The following TRIM47 variants were observed in gnomAD, a reference collection of about 807,000 sequenced individuals.
The protein encoded by TRIM47 is E3 ubiquitin-protein ligase TRIM47.
TRIM47 carries 46 observed loss-of-function variants against 54.4 expected under a neutral mutation model. The ratio of observed to expected loss-of-function variants is 0.84; its 90% CI spans 0.67 to 1.08. The LOEUF (loss-of-function observed/expected upper bound fraction) is 1.08. Among genes scored for constraint, TRIM47 ranks in the 50% least tolerant of loss-of-function variants. TRIM47 has a pLI of 0.00. For missense variants in TRIM47, 825 were observed against 910.1 expected (o/e 0.91, Z 1.20); for synonymous variants, 392 against 410.2 (o/e 0.96, Z 0.54).
At chr17:75,877,751 C>A in intron 1 of TRIM47, 123 bp downstream of exon 1, 1 of 1,245,708 alleles carries the variant, frequency 8.0e-7, no homozygotes, top group Admixed American at 4.2e-5. Flanking sequence ...CCGCAAAGAT[C>A]CTCAGGTTAG....
At position 75,874,641 on chromosome 17, in the gene TRIM47, C is replaced by T. The variant is rs763401208; in HGVS notation, c.1759G>A (p.Ala587Thr). 6.9e-6 allele frequency: 11 copies of T among 1,589,082 alleles called. No individual in the cohort carries two copies. The highest frequency in any genetic ancestry group is 9.4e-6 in the Non-Finnish European group (11 of 1,166,194). ...ASRPRRGGIP[A>T]SPIDPFQSRL... ...CTCTGGAAGGGGTCAATGGGGGAGG[C>T]CGGGATGCCACCCCGGCGGGGCCGG... Residue 587 changes from alanine to threonine, a missense_variant, in exon 6 of 6, where the codon GCC becomes ACC. Ala to Thr is a moderately conservative substitution (Grantham distance 58). Transcript: ENST00000254816. This position sits in a 1 kb window ranked among gnomAD's most constrained non-coding sequence, Gnocchi z 6.2.
Position 75,878,381 on chromosome 17 carries a change from C to A in TRIM47, c.168G>T (p.Leu56=). The A allele has an allele frequency of 7.1e-7, 1 of 1,406,144 alleles. No individual in the cohort carries two copies. The highest frequency in any genetic ancestry group is 1.4e-5 in the South Asian group (1 of 69,078). The allele number at this position is 1,406,144 out of a possible 1,614,324, so 87.1% of individuals were successfully genotyped here. Residue 56 remains leucine, a synonymous_variant, in exon 1 of 6, where the codon CTG becomes CTT. Coordinates refer to ENST00000254816, the MANE Select transcript of TRIM47 (RefSeq NM_033452.3). The part of the protein sequence containing the change: ...GGPGGAARCP[L]CQEPFPDGLQ... Reference sequence around the variant, plus strand: ...GGCCGTCGGGGAAGGGCTCCTGGCACAGCGGGCAGCGGGCCGCGCCTCCGG... The same window carrying A: ...GGCCGTCGGGGAAGGGCTCCTGGCAAAGCGGGCAGCGGGCCGCGCCTCCGG...
At position 75,875,566 on chromosome 17, in the gene TRIM47, A is replaced by G; in HGVS notation, c.1202-92T>C. ...CCCTACCCCCTTCACTTCCTCCCAG[A>G]GTCCAGAGCCACCAGGGAGCAAGCA... On this transcript the variant is annotated intron_variant, in intron 4 of 5. Transcript: ENST00000254816. This position sits in a 1 kb window ranked among gnomAD's most constrained non-coding sequence, Gnocchi z 6.1. 8.4e-7 allele frequency: 1 copy of G among 1,184,498 alleles called. No homozygotes were observed. Among genetic ancestry groups the G allele is most frequent in the South Asian group, 1.3e-5 (1 of 79,778 alleles). The allele number at this position is 1,184,498 out of a possible 1,614,324, so 73.4% of individuals were successfully genotyped here.
chr17:75,875,188 C>T lies in TRIM47; in HGVS notation c.1277-65G>A. The T allele has an allele frequency of 6.6e-7, 1 of 1,522,576 alleles. No homozygotes were observed. The highest frequency in any genetic ancestry group is 1.3e-5 in the South Asian group (1 of 77,922). 94.3% of individuals were successfully genotyped at this position (1,522,576 alleles called of 1,614,324 possible). On this transcript the variant is annotated intron_variant, in intron 5 of 5. Transcript: ENST00000254816. This position sits in a 1 kb window ranked among gnomAD's most constrained non-coding sequence, Gnocchi z 6.1. The stretch of plus-strand genomic sequence containing the variant: ...CAGGCTCAGAGGGCACGGCCCCTCC[C>T]CAAGTACCCACCCCCCCAAAACACA...
chr17:75,878,238 G>A lies in TRIM47; in HGVS notation c.311C>T (p.Ala104Val). The part of the protein sequence containing the change: ...ALAPEPSAPS[A>V]LPSVPEPSAP... ...CGACGGCTCCGGGACACTGGGCAGC[G>A]CGCTGGGTGCCGAGGGCTCCGGGGC... The change falls in exon 1 of 6, where the codon GCG becomes GTG. Residue 104 changes from alanine to valine, a missense_variant. Transcript: ENST00000254816. The A allele has an allele frequency of 9.7e-6, 12 of 1,234,282 alleles. No individual in the cohort carries two copies. Among genetic ancestry groups the A allele is most frequent in the Non-Finnish European group, 1.2e-5 (12 of 988,906 alleles). 76.5% of individuals were successfully genotyped at this position (1,234,282 alleles called of 1,614,324 possible). A position where few individuals can be genotyped will look rare whatever the true frequency, so the allele number is the denominator to read the frequency against.
chr17:75,876,334 C>G lies in TRIM47; in HGVS notation c.930G>C (p.Gln310His). 6.2e-7 allele frequency: 1 copy of G among 1,611,494 alleles called. No homozygotes were observed. Among genetic ancestry groups the G allele is most frequent in the Non-Finnish European group, 8.5e-7 (1 of 1,179,962 alleles). The change falls in exon 3 of 6, where the codon CAG becomes CAC. Residue 310 changes from glutamine to histidine, a missense_variant. Physicochemically the swap from Gln to His is conservative, Grantham distance 24 (BLOSUM62 0). Transcript: ENST00000254816. ...SQGDLRRQEE[Q>H]RSRLSRARQN... ...GGCGGGCTCGGCTCAGGCGGCTGCGCTGTTCCTCCTGTCGCCGCAGGTCAC... is the reference window on the plus strand; with the variant it reads ...GGCGGGCTCGGCTCAGGCGGCTGCGGTGTTCCTCCTGTCGCCGCAGGTCAC...
At position 75,875,319 on chromosome 17, in the gene TRIM47, T is replaced by G; in HGVS notation, c.1276+81A>C. ...CTGGGGAGAGGAATCCTAACCCTTG[T>G]GTGCCAGGGCCCTGCTGGGACCAGC... On this transcript the variant is annotated intron_variant, in intron 5 of 5. Transcript: ENST00000254816. This position sits in a 1 kb window ranked among gnomAD's most constrained non-coding sequence, Gnocchi z 6.1. 6.6e-7 allele frequency: 1 copy of G among 1,506,736 alleles called. No individual in the cohort carries two copies. Among genetic ancestry groups the G allele is most frequent in the African/African-American group, 1.4e-5 (1 of 72,152 alleles). 93.3% of individuals were successfully genotyped at this position (1,506,736 alleles called of 1,614,324 possible).
chr17:75,878,089 C>CG lies in TRIM47; in HGVS notation c.459dup (p.Ala154ArgfsTer74), dbSNP rs1274475127. On this transcript the variant is annotated frameshift_variant, in exon 1 of 6. Transcript: ENST00000254816. LOFTEE classifies it high-confidence loss of function. ...CTGCGCTCGTGCGGGCCCAGGTGCG[C>CG]GGGGCAAAAGGAGGCGAGGCAGGAG... 8.3e-6 allele frequency: 11 copies of CG among 1,332,172 alleles called. No homozygotes were observed. Among genetic ancestry groups the CG allele is most frequent in the Non-Finnish European group, 1.1e-5 (11 of 1,045,820 alleles). 82.5% of individuals were successfully genotyped at this position (1,332,172 alleles called of 1,614,324 possible). A position where few individuals can be genotyped will look rare whatever the true frequency, so the allele number is the denominator to read the frequency against.
rs2065149527 is a variant in TRIM47 at position 75,878,456 on chromosome 17, G to C, written c.93C>G (p.Ala31=). The C allele has an allele frequency of 7.0e-7, 1 of 1,431,812 alleles. No individual in the cohort carries two copies. The highest frequency in any genetic ancestry group is 1.5e-5 in the African/African-American group (1 of 67,540). 88.7% of individuals were successfully genotyped at this position (1,431,812 alleles called of 1,614,324 possible). ...TLPCGHNFCL[A]CLGALWPHRG... ...GATGCGGCCAGAGCGCGCCCAGGCA[G>C]GCGAGACAGAAGTTGTGGCCGCAGG... The change falls in exon 1 of 6, where the codon GCC becomes GCG. Residue 31 remains alanine, a synonymous_variant. Coordinates refer to ENST00000254816, the MANE Select transcript of TRIM47 (RefSeq NM_033452.3).
chr17:75,877,130 G>A (rs964423994), intron 1 of TRIM47: 19 of 379,090 alleles, frequency 5.0e-5, no homozygotes, highest in African/African-American at 3.4e-4. Context: ...CGGCGGGGAA[G>A]AGGCAGAGAG....
chr17:75,874,569 G>A lies in TRIM47; in HGVS notation c.1831C>T (p.Pro611Ser), dbSNP rs780508872. The A allele has an allele frequency of 1.3e-6, 2 of 1,533,614 alleles. No homozygotes were observed. Among genetic ancestry groups the A allele is most frequent in the African/African-American group, 1.4e-5 (1 of 72,044 alleles). ...TCCACACTCTCCAGGAAGAAGGCAG[G>A]CTTGAGTCTGTGGGTGAAGAGCCCC... is the stretch of plus-strand genomic sequence containing the variant. ...FAGLFTHRLK[P>S]AFFLESVDAH... Residue 611 changes from proline to serine, a missense_variant, in exon 6 of 6, where the codon CCT (proline) becomes TCT (serine). Coordinates refer to ENST00000254816, the MANE Select transcript of TRIM47 (RefSeq NM_033452.3). The surrounding 1 kb of genome is among the most constrained non-coding windows in gnomAD (Gnocchi z 6.2).
chr17:75,877,907 CA>C lies in TRIM47; in HGVS notation c.641del (p.Leu214ArgfsTer19). On this transcript the variant is annotated frameshift_variant, in exon 1 of 6. Coordinates refer to ENST00000254816, the MANE Select transcript of TRIM47 (RefSeq NM_033452.3). LOFTEE classifies it high-confidence loss of function. ...CAAQEHRGHE[L>X]VPLEQERALQ... The stretch of plus-strand genomic sequence containing the variant: ...GCGCGCGCTCCTGCTCCAGCGGCAC[CA>C]GCTCGTGGCCGCGGTGCTCCTGTGC... The C allele has an allele frequency of 7.0e-7, 1 of 1,423,224 alleles. No homozygotes were observed. The highest frequency in any genetic ancestry group is 1.5e-5 in the African/African-American group (1 of 67,364). 88.2% of individuals were successfully genotyped at this position (1,423,224 alleles called of 1,614,324 possible). A position where few individuals can be genotyped will look rare whatever the true frequency, so the allele number is the denominator to read the frequency against.
chr17:75,876,052 C>CCCAGGGCCACACCCATCCT lies in TRIM47; in HGVS notation c.1031_1049dup (p.Pro351GlyfsTer58). The CCCAGGGCCACACCCATCCT allele has an allele frequency of 6.2e-7, 1 of 1,602,300 alleles. No homozygotes were observed. The highest frequency in any genetic ancestry group is 8.5e-7 in the Non-Finnish European group (1 of 1,179,968). On this transcript the variant is annotated frameshift_variant, in exon 4 of 6. Coordinates refer to ENST00000254816, the MANE Select transcript of TRIM47 (RefSeq NM_033452.3). LOFTEE classifies it high-confidence loss of function. ...AGCTGAGCTCCCTCGGGGGTCCAGG[C>CCCAGGGCCACACCCATCCT]CCAGGGCCACACCCATCCTCCAGGG... is the stretch of plus-strand genomic sequence containing the variant.
At position 75,875,609 on chromosome 17, in the gene TRIM47, G is replaced by A. The variant is rs575846328; in HGVS notation, c.1202-135C>T. Reference sequence around the variant, plus strand: ...AGCAAGCACCACCCAGATGTGGCACGCTGTGCTCACACACATGCCCGTTGC... The same window carrying A: ...AGCAAGCACCACCCAGATGTGGCACACTGTGCTCACACACATGCCCGTTGC... On this transcript the variant is annotated intron_variant, in intron 4 of 5. Coordinates refer to ENST00000254816, the MANE Select transcript of TRIM47 (RefSeq NM_033452.3). The surrounding 1 kb of genome is among the most constrained non-coding windows in gnomAD (Gnocchi z 6.1). The A allele has an allele frequency of 2.5e-4, 202 of 821,786 alleles. 2 individuals carry two copies. The South Asian group carries it at 2.8e-3, about 11-fold the overall frequency. 50.9% of individuals were successfully genotyped at this position (821,786 alleles called of 1,614,324 possible). A position where few individuals can be genotyped will look rare whatever the true frequency, so the allele number is the denominator to read the frequency against.
chr17:75,874,663 C>T lies in TRIM47; in HGVS notation c.1737G>A (p.Arg579=). The change falls in exon 6 of 6, where the codon CGG becomes CGA. Residue 579 remains arginine, a synonymous_variant. Transcript: ENST00000254816. The surrounding 1 kb of genome is among the most constrained non-coding windows in gnomAD (Gnocchi z 6.2). ...MSLLRRLKAS[R]PRRGGIPASP... ...AGGCCGGGATGCCACCCCGGCGGGG[C>T]CGGGAGGCCTTCAGCCTCCGCAGGA... 1 of 1,598,578 alleles carries T rather than the reference C, an allele frequency of 6.3e-7. No homozygotes were observed. The highest frequency in any genetic ancestry group is 8.5e-7 in the Non-Finnish European group (1 of 1,170,344).
Position 75,875,093 on chromosome 17 carries a change from G to A in TRIM47, c.1307C>T (p.Thr436Ile), listed in dbSNP as rs772777219. Residue 436 changes from threonine (T) to isoleucine (I), a missense_variant, in exon 6 of 6, where the codon ACA (threonine) becomes ATA (isoleucine). Thr to Ile is a moderately conservative substitution (Grantham distance 89, BLOSUM62 -1). Coordinates refer to ENST00000254816, the MANE Select transcript of TRIM47 (RefSeq NM_033452.3). The surrounding 1 kb of genome is among the most constrained non-coding windows in gnomAD (Gnocchi z 6.1). ...AAACAGCTGCAGGAACTTGTCTGCT[G>A]TGTCGCTGTCCAAATCCACAATATA... ...FAYIVDLDSD[T>I]ADKFLQLFGT... 1.2e-6 allele frequency: 2 copies of A among 1,605,320 alleles called. No individual in the cohort carries two copies. The highest frequency in any genetic ancestry group is 1.7e-6 in the Non-Finnish European group (2 of 1,173,498).
rs2065145132 is a variant in TRIM47 at position 75,877,912 on chromosome 17, C to G, written c.637G>C (p.Glu213Gln). The change falls in exon 1 of 6, where the codon GAG becomes CAG. Residue 213 changes from glutamate (E) to glutamine (Q), a missense_variant. Transcript: ENST00000254816. Reference sequence around the variant, plus strand: ...CGCTCCTGCTCCAGCGGCACCAGCTCGTGGCCGCGGTGCTCCTGTGCGGCG... The same window carrying G: ...CGCTCCTGCTCCAGCGGCACCAGCTGGTGGCCGCGGTGCTCCTGTGCGGCG... Reference protein sequence around the residue: ...ACAAQEHRGHELVPLEQERAL... With the variant: ...ACAAQEHRGHQLVPLEQERAL... 1.4e-6 allele frequency: 2 copies of G among 1,424,318 alleles called. No individual in the cohort carries two copies. The highest frequency in any genetic ancestry group is 1.4e-5 in the South Asian group (1 of 69,952). The allele number at this position is 1,424,318 out of a possible 1,614,324, so 88.2% of individuals were successfully genotyped here.
intron 2 of TRIM47, 79 bp from the exon 3 acceptor site, chr17:75,876,571 G>A: frequency 6.7e-7 from 1 of 1,503,180 alleles, no homozygotes; most frequent in Non-Finnish European, 8.9e-7. Context: ...CCTGACCCCG[G>A]CTTCCCACCG....
chr17:75,874,480 G>C lies in TRIM47; in HGVS notation c.*3C>G. On this transcript the variant is annotated 3_prime_UTR_variant, in exon 6 of 6. Transcript: ENST00000254816. This position sits in a 1 kb window ranked among gnomAD's most constrained non-coding sequence, Gnocchi z 6.2. ...ACGGCAGCAGGAGCGCCCGTGCCCG[G>C]CATCACCTCCTCTTCAGCACGGATA... 6.7e-7 allele frequency: 1 copy of C among 1,491,368 alleles called. No individual in the cohort carries two copies. The highest frequency in any genetic ancestry group is 8.9e-7 in the Non-Finnish European group (1 of 1,120,540). The allele number at this position is 1,491,368 out of a possible 1,614,324, so 92.4% of individuals were successfully genotyped here.
Sources: gnomAD v4.1 joint callset for allele counts on GRCh38, gnomAD v4.1.1 for gene constraint, Gnocchi (gnomAD v3.1) non-coding constraint, MANE v1.5 for transcripts, NCBI Gene and HGNC (gene_info 2026-07-23, HGNC 2026-07-21) for gene names.